Variants in ANKS1B observed in about 807,000 individuals in gnomAD.
ANKS1B encodes the protein ankyrin repeat and sterile alpha motif domain containing 1B.
A neutral mutation model predicts 148.3 loss-of-function variants in ANKS1B; 36 were observed. That is an observed-to-expected ratio of 0.24 (90% CI 0.19 to 0.32). The LOEUF is 0.32. Among genes scored for constraint, ANKS1B ranks in the 10% least tolerant of loss-of-function variants. ANKS1B has a pLI of 1.00. For synonymous variants in ANKS1B, 542 were observed against 560.8 expected (o/e 0.97, Z 0.47); for missense variants, 1,157 against 1,542.6 (o/e 0.75, Z 4.19).
In ANKS1B at chr12:98,751,675, G is replaced by A. The variant is rs762536492; in HGVS notation, c.3580-153C>T. On this transcript the variant is annotated intron_variant, in intron 25 of 26. Coordinates refer to ENST00000683438, the MANE Select transcript of ANKS1B (RefSeq NM_001352186.2). This position sits in a 1 kb window ranked among gnomAD's most constrained non-coding sequence, Gnocchi z 4.3. ...TTCGGTGGAAATCTACAAAGAACAG[G>A]ACACTCCGGGTCCAACTTAGGGTTT... Among the ~76,000 whole-genome samples the A allele has an allele frequency of 6.6e-6, 1 of 152,180 alleles. No individual in the cohort carries two copies. Among genetic ancestry groups the A allele is most frequent in the Non-Finnish European group, 1.5e-5 (1 of 68,028 alleles).
intron 12 of ANKS1B, among the ~76,000 whole-genome samples, chr12:99,264,952 T>C (rs920253546): frequency 1.3e-5 from 2 of 152,144 alleles, no homozygotes; most frequent in African/African-American, 4.8e-5. Context: ...ATTGGCCTAG[T>C]GTAGGGCTGT....
intron 14 of ANKS1B, among the ~76,000 whole-genome samples, chr12:99,172,450 CCTAA>C (rs2077881428): frequency 6.6e-6 from 1 of 152,152 alleles, no homozygotes; most frequent in Non-Finnish European, 1.5e-5. Flanking sequence ...GACAAAATGA[CCTAA>C]CTAATTATTT....
chr12:99,662,602 T>A (rs73387945), intron 8 of ANKS1B, among the ~76,000 whole-genome samples: 1,527 of 152,364 alleles, frequency 0.01, 32 homozygotes, highest in African/African-American at 0.034. Flanking sequence ...CAGATTTTAA[T>A]GTCCTTTGTT....
At chr12:99,249,442 T>C (rs1347062576) in intron 12 of ANKS1B, among the ~76,000 whole-genome samples, 2 of 152,226 alleles carry the variant, frequency 1.3e-5, no homozygotes, top group Non-Finnish European at 2.9e-5. Flanking sequence ...TCACAAGCAG[T>C]CACTTCTCAA....
At chr12:98,935,720 AC>A (rs1453992196) in intron 17 of ANKS1B, among the ~76,000 whole-genome samples, 1 of 152,184 alleles carries the variant, frequency 6.6e-6, no homozygotes, top group Non-Finnish European at 1.5e-5. Flanking sequence ...TTAGATTCAT[AC>A]CCTTTAACCT....
chr12:99,364,634 C>G (rs2092670818), intron 12 of ANKS1B, among the ~76,000 whole-genome samples: 1 of 152,164 alleles, frequency 6.6e-6, no homozygotes, highest in African/African-American at 2.4e-5. Context: ...GTTGTTATGG[C>G]ATTGATGGTC....
chr12:99,056,147 C>T (rs1315936197), intron 16 of ANKS1B, among the ~76,000 whole-genome samples: 1 of 152,168 alleles, frequency 6.6e-6, no homozygotes, highest in Non-Finnish European at 1.5e-5. Flanking sequence ...AATGCCTATT[C>T]TGATGAATGT....
At chr12:99,938,208 T>C (rs1224141267) in intron 1 of ANKS1B, among the ~76,000 whole-genome samples, 1 of 152,188 alleles carries the variant, frequency 6.6e-6, no homozygotes, top group Admixed American at 6.5e-5. Flanking sequence ...AGTGGCCATA[T>C]GGCCAGGAAC....
intron 8 of ANKS1B, among the ~76,000 whole-genome samples, chr12:99,669,306 G>A (rs1214319309): frequency 1.3e-5 from 2 of 152,166 alleles, no homozygotes; most frequent in African/African-American, 4.8e-5. Flanking sequence ...GAGTAGCTGG[G>A]ACTACAGGAA....
intron 1 of ANKS1B, among the ~76,000 whole-genome samples, chr12:99,917,928 C>T (rs1181853820): frequency 6.6e-6 from 1 of 152,242 alleles, no homozygotes; most frequent in Non-Finnish European, 1.5e-5. Flanking sequence ...TGAGCGCTGT[C>T]TCTTGACAGA....
intron 8 of ANKS1B, among the ~76,000 whole-genome samples, chr12:99,730,816 T>C (rs1310665534): frequency 6.6e-6 from 1 of 152,158 alleles, no homozygotes; most frequent in African/African-American, 2.4e-5. Flanking sequence ...ACAATACAGA[T>C]TTTCTGGAAT....
chr12:98,945,505 C>CAAAAAAAAAAA lies in ANKS1B; in HGVS notation c.2778+107641_2778+107651dup, dbSNP rs3051086. Among the ~76,000 whole-genome samples the CAAAAAAAAAAA allele has an allele frequency of 2.8e-3, 85 of 30,266 alleles. 1 individual carries two copies. Among genetic ancestry groups the CAAAAAAAAAAA allele is most frequent in the African/African-American group, 5.3e-3 (49 of 9,192 alleles). 19.9% of individuals were successfully genotyped at this position (30,266 alleles called of 152,430 possible). A position where few individuals can be genotyped will look rare whatever the true frequency, so the allele number is the denominator to read the frequency against. ...GCCAGACCCTGTCTCAACAAACAAA[C>CAAAAAAAAAAA]AAAAAAAAAAAAAAAAAAAAAAAAA... On this transcript the variant is annotated intron_variant, in intron 17 of 26. Coordinates refer to ENST00000683438, the MANE Select transcript of ANKS1B (RefSeq NM_001352186.2).
At chr12:99,661,716 G>C (rs966929812) in intron 8 of ANKS1B, among the ~76,000 whole-genome samples, 1 of 152,040 alleles carries the variant, frequency 6.6e-6, no homozygotes, top group African/African-American at 2.4e-5. Flanking sequence ...TTTGTCTTTA[G>C]TAACACCTTC....
intron 15 of ANKS1B, among the ~76,000 whole-genome samples, chr12:99,149,801 C>A (rs1379784590): frequency 6.6e-6 from 1 of 152,068 alleles, no homozygotes; most frequent in East Asian, 1.9e-4. Flanking sequence ...ATAGATTTTA[C>A]CTCTTCTATT....
intron 14 of ANKS1B, among the ~76,000 whole-genome samples, chr12:99,189,952 G>A (rs1294808959): frequency 6.6e-6 from 1 of 152,158 alleles, no homozygotes; most frequent in Non-Finnish European, 1.5e-5. Context: ...CATCGTCTCA[G>A]TTCAAAATCT....
At chr12:99,016,454 G>A (rs894297771) in intron 17 of ANKS1B, among the ~76,000 whole-genome samples, 14 of 152,314 alleles carry the variant, frequency 9.2e-5, no homozygotes, top group East Asian at 5.8e-4. Flanking sequence ...TCAGAAGTTC[G>A]AGACCAGCCT....
At chr12:99,940,437 GA>G (rs948563151) in intron 1 of ANKS1B, among the ~76,000 whole-genome samples, 5 of 152,104 alleles carry the variant, frequency 3.3e-5, no homozygotes, top group East Asian at 3.9e-4. Context: ...GTTTCAGGGG[GA>G]AAAAAACTAG....
At chr12:99,791,618 T>C (rs1014855714) in intron 4 of ANKS1B, among the ~76,000 whole-genome samples, 10 of 151,818 alleles carry the variant, frequency 6.6e-5, no homozygotes, top group Admixed American at 3.9e-4. Flanking sequence ...TTGGAAACTA[T>C]GCAAACAGAC....
chr12:99,319,750 A>C (rs2084875911), intron 12 of ANKS1B, among the ~76,000 whole-genome samples: 1 of 151,966 alleles, frequency 6.6e-6, no homozygotes, highest in Non-Finnish European at 1.5e-5. Context: ...GCTAGTTGTT[A>C]GTTTGTTTGT....
Sources: allele counts gnomAD v4.1 joint callset (sites outside exome capture counted in the v4.1 genomes callset), GRCh38; gene constraint gnomAD v4.1.1; non-coding constraint Gnocchi (gnomAD v3.1); transcripts MANE v1.5; gene names NCBI Gene and HGNC (gene_info 2026-07-23, HGNC 2026-07-21).